Variants in NRAP observed in about 807,000 individuals in gnomAD.
NRAP encodes the protein nebulin related anchoring protein.
A neutral mutation model predicts 225.9 loss-of-function variants in NRAP; 189 were observed. That is an observed-to-expected ratio of 0.84 (90% CI 0.74 to 0.94). The LOEUF (loss-of-function observed/expected upper bound fraction) is 0.94, where lower values mean the gene tolerates loss of function less well. NRAP is among the 40% of genes least tolerant of loss of function. The probability of loss-of-function intolerance (pLI) is 0.00; values close to 1 mark genes in which losing one functional copy is unlikely to be tolerated. For missense variants in NRAP, 2,176 were observed against 2,168.7 expected (o/e 1.00, Z -0.07); for synonymous variants, 769 against 790.7 (o/e 0.97, Z 0.46).
chr10:113,607,435 A>G (rs1348623216), intron 32 of NRAP, among the ~76,000 whole-genome samples: 1 of 136,728 alleles, frequency 7.3e-6, no homozygotes, highest in African/African-American at 2.7e-5. Flanking sequence ...AAAAAAAAAA[A>G]AGAAAAGAAA....
At chr10:113,616,187 T>C (rs1335957797) in intron 26 of NRAP, among the ~76,000 whole-genome samples, 1 of 152,188 alleles carries the variant, frequency 6.6e-6, no homozygotes, top group Non-Finnish European at 1.5e-5. Flanking sequence ...AAGATGGCTC[T>C]TGTACAGGTG....
rs1846248283 is a variant in NRAP at position 113,595,691 on chromosome 10, T to C, written c.4468A>G (p.Arg1490Gly). Residue 1490 changes from arginine to glycine, a missense_variant, in exon 38 of 42, where the codon AGA (arginine) becomes GGA (glycine). Physicochemically the swap from Arg to Gly is moderately radical, Grantham distance 125. Around this residue, in one of 3 missense-constraint regions of NRAP, gnomAD observed 445 missense variants for 426.1 expected, o/e 1.04. Coordinates refer to ENST00000359988, the MANE Select transcript of NRAP (RefSeq NM_198060.4). ...GGATGGTCGGGGATCAGGGTGTATC[T>C]GTGCAGGGATTCTGCATCTCCAGAT... is the stretch of plus-strand genomic sequence containing the variant. The part of the protein sequence containing the change: ...YRSGDAESLH[R>G]YTLIPDHPDF... 1.2e-6 allele frequency: 2 copies of C among 1,613,768 alleles called. No homozygotes were observed. Among genetic ancestry groups the C allele is most frequent in the Non-Finnish European group, 1.7e-6 (2 of 1,179,728 alleles).
chr10:113,623,522 G>A lies in NRAP; in HGVS notation c.2457+7C>T. The A allele has an allele frequency of 6.3e-7, 1 of 1,599,002 alleles. No homozygotes were observed. The highest frequency in any genetic ancestry group is 8.6e-7 in the Non-Finnish European group (1 of 1,166,664). ...CGGTCTCTTGTACAAGGTGGGGACAGACTCACCTCGCTAGCCAGGTCCCTC... is the reference window on the plus strand; with the variant it reads ...CGGTCTCTTGTACAAGGTGGGGACAAACTCACCTCGCTAGCCAGGTCCCTC... On this transcript the variant is annotated splice_region_variant and intron_variant, in intron 23 of 41. Transcript: ENST00000359988.
chr10:113,612,100 G>A, intron 30 of NRAP, 134 bp downstream of exon 30: 1 of 657,978 alleles, frequency 1.5e-6, no homozygotes, highest in Non-Finnish European at 2.7e-6. Context: ...CTCTCAGACT[G>A]GGTTTCAAAA....
At chr10:113,608,566 G>A (rs1056277803) in intron 31 of NRAP, 54 bp from the exon 32 acceptor site, 4 of 1,146,178 alleles carry the variant, frequency 3.5e-6, no homozygotes, top group Non-Finnish European at 5.2e-6. Flanking sequence ...ATAAAAACCA[G>A]AAGCAGAACC....
intron 38 of NRAP, among the ~76,000 whole-genome samples, chr10:113,594,612 C>G (rs1240048329): frequency 1.3e-5 from 2 of 152,166 alleles, no homozygotes; most frequent in African/African-American, 4.8e-5. Flanking sequence ...GGAGGTCAGC[C>G]CACCAGAGCT....
At chr10:113,659,276 A>G (rs1380443599) in intron 3 of NRAP, among the ~76,000 whole-genome samples, 1 of 152,172 alleles carries the variant, frequency 6.6e-6, no homozygotes, top group African/African-American at 2.4e-5. Context: ...GCATAGCAAG[A>G]TGTTTAAGAG....
At chr10:113,633,241 T>G (rs1448242101) in intron 15 of NRAP, 53 bp from the exon 16 acceptor site, 5 of 1,027,074 alleles carry the variant, frequency 4.9e-6, no homozygotes, top group Admixed American at 1.7e-5. Flanking sequence ...GAAAGAGAAC[T>G]TTAGGGACCC....
chr10:113,629,510 G>A (rs1321978140), intron 19 of NRAP, 78 bp downstream of exon 19: 4 of 1,021,196 alleles, frequency 3.9e-6, no homozygotes, highest in Admixed American at 3.5e-5. Context: ...ATAGACTCGT[G>A]CACAGGTTTG....
At chr10:113,596,489 A>G (rs1362043110) in intron 37 of NRAP, among the ~76,000 whole-genome samples, 1 of 152,230 alleles carries the variant, frequency 6.6e-6, no homozygotes, top group Non-Finnish European at 1.5e-5. Context: ...TTCAGGGGAA[A>G]AACATTAACT....
At chr10:113,635,704 A>G (rs1477412356) in intron 14 of NRAP, among the ~76,000 whole-genome samples, 3 of 152,202 alleles carry the variant, frequency 2.0e-5, no homozygotes, top group Non-Finnish European at 2.9e-5. Flanking sequence ...CTGGGATTAC[A>G]GGCGTGAGCC....
Position 113,628,269 on chromosome 10 carries a change from C to T in NRAP, c.2145+648G>A, listed in dbSNP as rs577458828. The stretch of plus-strand genomic sequence containing the variant: ...GTGGCACGATCTCGGTTCACTGCAA[C>T]CTCTGCCTCCCAGGTTCAAGCAATT... On this transcript the variant is annotated intron_variant, in intron 20 of 41. Coordinates refer to ENST00000359988, the MANE Select transcript of NRAP (RefSeq NM_198060.4). Among the ~76,000 whole-genome samples the T allele has an allele frequency of 2.0e-4, 30 of 152,276 alleles. No individual in the cohort carries two copies. The South Asian group carries it at 4.1e-3, about 21-fold the overall frequency.
At chr10:113,660,190 C>T (rs1850580087) in intron 3 of NRAP, among the ~76,000 whole-genome samples, 1 of 152,004 alleles carries the variant, frequency 6.6e-6, no homozygotes, top group South Asian at 2.1e-4. Flanking sequence ...ATACATATCC[C>T]ACATGCATGT....
chr10:113,601,795 G>A (rs578168403), intron 35 of NRAP, among the ~76,000 whole-genome samples: 98 of 152,224 alleles, frequency 6.4e-4, no homozygotes, highest in African/African-American at 2.2e-3. Flanking sequence ...TTGACATTAT[G>A]TGGATCCCAC....
intron 38 of NRAP, among the ~76,000 whole-genome samples, chr10:113,593,117 T>C (rs901250672): frequency 3.3e-5 from 5 of 152,124 alleles, no homozygotes; most frequent in African/African-American, 1.2e-4. Context: ...AGTGGAGGGC[T>C]GTTCTTTATT....
chr10:113,609,240 A>T (rs1564710967), intron 31 of NRAP, among the ~76,000 whole-genome samples: 1 of 152,220 alleles, frequency 6.6e-6, no homozygotes, highest in Non-Finnish European at 1.5e-5. Flanking sequence ...AGAGACTGGG[A>T]TTCAGTAAAT....
In NRAP at chr10:113,612,540, G is replaced by T. The variant is rs561335657; in HGVS notation, c.3301-109C>A. Reference sequence around the variant, plus strand: ...TTGTCTGGAGGTAAGCCCAGGGGAAGTTCTTGGCAGGGCCAGTGCTCCTTT... The same window carrying T: ...TTGTCTGGAGGTAAGCCCAGGGGAATTTCTTGGCAGGGCCAGTGCTCCTTT... On this transcript the variant is annotated intron_variant, in intron 29 of 41. Transcript: ENST00000359988. The T allele has an allele frequency of 4.9e-4, 420 of 852,358 alleles. 5 individuals carry two copies. Among genetic ancestry groups the T allele is most frequent in the Non-Finnish European group, 1.0e-4 (55 of 535,712 alleles). 52.8% of individuals were successfully genotyped at this position (852,358 alleles called of 1,614,324 possible).
In NRAP at chr10:113,629,785, C is replaced by A; in HGVS notation, c.1843G>T (p.Val615Phe). 6.2e-7 allele frequency: 1 copy of A among 1,601,800 alleles called. No individual in the cohort carries two copies. The highest frequency in any genetic ancestry group is 1.7e-4 in the Middle Eastern group (1 of 6,030). ...TCTTCAAAGCCTTTCTTATATTCAA[C>A]CTTGAATATACCAAAACAAGGCCCG... ...SLQIAKMSSE[V>F]EYKKGFEESK... is the part of the protein sequence containing the mutation. The change falls in exon 19 of 42, where the codon GTT becomes TTT. Residue 615 changes from valine (V) to phenylalanine (F), a missense_variant and splice_region_variant. Coordinates refer to ENST00000359988, the MANE Select transcript of NRAP (RefSeq NM_198060.4).
At chr10:113,628,242 C>T (rs1486544223) in intron 20 of NRAP, among the ~76,000 whole-genome samples, 1 of 152,148 alleles carries the variant, frequency 6.6e-6, no homozygotes, top group African/African-American at 2.4e-5. Context: ...GGCTGGAGAG[C>T]AGTGGCACGA....
Sources: gnomAD v4.1 joint callset for allele counts (sites outside exome capture counted in the v4.1 genomes callset) on GRCh38, gnomAD v4.1.1 for gene constraint, gnomAD v4.1.1 regional missense constraint, MANE v1.5 for transcripts, NCBI Gene and HGNC (gene_info 2026-07-23, HGNC 2026-07-21) for gene names.